Variants in TRIM49B observed in about 807,000 individuals in gnomAD.
The protein encoded by TRIM49B is putative tripartite motif-containing protein 49B.
TRIM49B carries 18 observed loss-of-function variants against 31.8 expected under a neutral mutation model. That is an observed-to-expected ratio of 0.57 (90% CI 0.39 to 0.84). The LOEUF is 0.84. Among genes scored for constraint, TRIM49B ranks in the 40% least tolerant of loss-of-function variants. The pLI is 0.00. For missense variants in TRIM49B, 494 were observed against 538.7 expected, an observed-to-expected ratio of 0.92 and a Z score of 0.82; for synonymous variants, 196 against 180.6, an observed-to-expected ratio of 1.09 and a Z score of -0.68.
At chr11:49,031,543 A>G in intron 1 of TRIM49B, 53 bp from the exon 2 acceptor site, 1 of 1,597,436 alleles carries the variant, frequency 6.3e-7, no homozygotes, top group South Asian at 1.1e-5. Context: ...ACATGTTTAG[A>G]AGCTTTTCAT....
chr11:49,031,952 C>T lies in TRIM49B; in HGVS notation c.353C>T (p.Ser118Phe). 3 of 1,612,042 alleles carry T rather than the reference C, an allele frequency of 1.9e-6. No individual in the cohort carries two copies. The highest frequency in any genetic ancestry group is 1.7e-5 in the Admixed American group (1 of 60,020). The change falls in exon 2 of 7, where the codon TCT (serine) becomes TTT (phenylalanine). Residue 118 changes from serine (S) to phenylalanine (F), a missense_variant. By Grantham distance (155) the Ser-to-Phe change is radical. Around this residue, in one of 3 missense-constraint regions of TRIM49B, gnomAD observed 251 missense variants for 232.8 expected, o/e 1.08. Coordinates refer to ENST00000332682, the MANE Select transcript of TRIM49B (RefSeq NM_001206626.2). ...CTGCTCTGTTTGCTGTGCTCCAGCT[C>T]TCAGGAGCACCGGGATCACAGACAC... is the stretch of plus-strand genomic sequence containing the variant. ...RSLLCLLCSS[S>F]QEHRDHRHCP...
At chr11:49,029,408 C>A (rs2134694066) in intron 1 of TRIM49B, among the ~76,000 whole-genome samples, 1 of 152,214 alleles carries the variant, frequency 6.6e-6, no homozygotes. Context: ...AATAGTGAAA[C>A]TAAAACAATG....
At chr11:49,036,695 T>A (rs1854534775) in intron 6 of TRIM49B, among the ~76,000 whole-genome samples, 1 of 152,192 alleles carries the variant, frequency 6.6e-6, no homozygotes, top group Non-Finnish European at 1.5e-5. Context: ...ATGCTCAGAA[T>A]GGTGAATTAT....
rs1854548554 is a variant in TRIM49B at position 49,037,574 on chromosome 11, C to T, written c.956C>T (p.Pro319Leu). ...ATTGGATGTGACCATCAAGATGTAC[C>T]CTATTTCACTGCAACACCTAGAAGT... ...MCIGCDHQDV[P>L]YFTATPRSFL... Residue 319 changes from proline (P) to leucine (L), a missense_variant, in exon 7 of 7, where the codon CCC becomes CTC. Physicochemically the swap from Pro to Leu is moderately conservative, Grantham distance 98 (BLOSUM62 -3). Coordinates refer to ENST00000332682, the MANE Select transcript of TRIM49B (RefSeq NM_001206626.2). The T allele has an allele frequency of 6.2e-7, 1 of 1,613,918 alleles. No homozygotes were observed. Among genetic ancestry groups the T allele is most frequent in the South Asian group, 1.1e-5 (1 of 91,070 alleles).
At chr11:49,036,238 C>G in intron 5 of TRIM49B, 63 bp from the exon 6 acceptor site, 1 of 1,599,370 alleles carries the variant, frequency 6.3e-7, no homozygotes, top group Non-Finnish European at 8.5e-7. Context: ...CTTTTACATA[C>G]AAATAGTGAT....
At chr11:49,034,598 A>G (rs1018202524) in intron 4 of TRIM49B, among the ~76,000 whole-genome samples, 22 of 152,042 alleles carry the variant, frequency 1.4e-4, no homozygotes, top group African/African-American at 5.3e-4. Flanking sequence ...ACTTTGTGGA[A>G]TGGTCAAGGT....
intron 2 of TRIM49B, 74 bp from the exon 3 acceptor site, chr11:49,032,202 A>C: frequency 6.2e-7 from 1 of 1,611,512 alleles, no homozygotes; most frequent in Non-Finnish European, 8.5e-7. Flanking sequence ...CTAGGGGTTT[A>C]TTTGTCTCTC....
intron 2 of TRIM49B, 127 bp downstream of exon 2, chr11:49,032,137 C>T: frequency 1.3e-6 from 2 of 1,584,960 alleles, no homozygotes; most frequent in South Asian, 1.1e-5. Flanking sequence ...GCTTTCTTAG[C>T]TTCCAACCTC....
chr11:49,031,740 A>G lies in TRIM49B; in HGVS notation c.141A>G (p.Pro47=), dbSNP rs1854450955. The G allele has an allele frequency of 1.2e-6, 2 of 1,613,848 alleles. No homozygotes were observed. The highest frequency in any genetic ancestry group is 1.7e-6 in the Non-Finnish European group (2 of 1,179,872). The part of the protein sequence containing the change: ...PCFYLNWKDS[P]FLVQCSECTK... ...TCTACCTCAACTGGAAAGACAGCCC[A>G]TTTCTTGTCCAGTGCTCTGAATGCA... Residue 47 remains proline (P), a synonymous_variant, in exon 2 of 7, where the codon CCA becomes CCG. Transcript: ENST00000332682.
chr11:49,035,586 C>G (rs2134700649), intron 5 of TRIM49B, among the ~76,000 whole-genome samples: 1 of 151,980 alleles, frequency 6.6e-6, no homozygotes, highest in Admixed American at 6.5e-5. Context: ...TCTCTATCTC[C>G]TGACCCCGTG....
chr11:49,031,894 A>G lies in TRIM49B; in HGVS notation c.295A>G (p.Thr99Ala), dbSNP rs137872209. 1,801 of 1,613,116 alleles carry G rather than the reference A, an allele frequency of 1.1e-3. 23 individuals carry two copies. In the African/African-American group the frequency reaches 0.022, roughly 20 times the overall value. The change falls in exon 2 of 7, where the codon ACA becomes GCA. Residue 99 changes from threonine to alanine, a missense_variant. Coordinates refer to ENST00000332682, the MANE Select transcript of TRIM49B (RefSeq NM_001206626.2). ...EEQMCGTHRE[T>A]KKMFCEVDRS... is the part of the protein sequence containing the mutation. ...GCAAATGTGTGGCACTCACAGGGAGACAAAGAAGATGTTCTGTGAAGTGGA... is the reference window on the plus strand; with the variant it reads ...GCAAATGTGTGGCACTCACAGGGAGGCAAAGAAGATGTTCTGTGAAGTGGA...
intron 3 of TRIM49B, among the ~76,000 whole-genome samples, chr11:49,033,055 A>T (rs1854474333): frequency 6.6e-6 from 1 of 152,134 alleles, no homozygotes; most frequent in Non-Finnish European, 1.5e-5. Context: ...TGAGGGAATG[A>T]TAGCTAATAT....
Position 49,036,342 on chromosome 11 carries a change from C to T in TRIM49B, c.803C>T (p.Pro268Leu). ...VLLHMPQPLN[P>L]ELSAGPITGL... ...CTGCACATGCCCCAGCCTCTGAATC[C>T]AGAGCTCAGTGCAGGGCCCATCACT... Residue 268 changes from proline to leucine, a missense_variant, in exon 6 of 7, where the codon CCA (proline) becomes CTA (leucine). This residue lies in a region of TRIM49B where 233 missense variants were observed against 281.4 expected (regional missense o/e 0.83). Coordinates refer to ENST00000332682, the MANE Select transcript of TRIM49B (RefSeq NM_001206626.2). 3 of 1,574,454 alleles carry T rather than the reference C, an allele frequency of 1.9e-6. No individual in the cohort carries two copies. The highest frequency in any genetic ancestry group is 1.2e-5 in the South Asian group (1 of 86,868).
intron 5 of TRIM49B, among the ~76,000 whole-genome samples, chr11:49,035,454 G>C (rs1398802197): frequency 7.1e-6 from 1 of 141,058 alleles, no homozygotes; most frequent in Non-Finnish European, 1.5e-5. Context: ...CCGCCTCCCG[G>C]GTTCACACCA....
chr11:49,031,893 G>A lies in TRIM49B; in HGVS notation c.294G>A (p.Glu98=). 6.2e-7 allele frequency: 1 copy of A among 1,613,138 alleles called. No individual in the cohort carries two copies. The highest frequency in any genetic ancestry group is 8.5e-7 in the Non-Finnish European group (1 of 1,179,866). ...SEEQMCGTHR[E]TKKMFCEVDR... Reference sequence around the variant, plus strand: ...AGCAAATGTGTGGCACTCACAGGGAGACAAAGAAGATGTTCTGTGAAGTGG... The same window carrying A: ...AGCAAATGTGTGGCACTCACAGGGAAACAAAGAAGATGTTCTGTGAAGTGG... The change falls in exon 2 of 7, where the codon GAG becomes GAA. Residue 98 remains glutamate (E), a synonymous_variant. Coordinates refer to ENST00000332682, the MANE Select transcript of TRIM49B (RefSeq NM_001206626.2).
At chr11:49,037,380 T>A in intron 6 of TRIM49B, 98 bp from the exon 7 acceptor site, 2 of 1,460,434 alleles carry the variant, frequency 1.4e-6, no homozygotes, top group African/African-American at 1.4e-5. Context: ...CAAGCAAAAC[T>A]TTTTATGACT....
intron 1 of TRIM49B, among the ~76,000 whole-genome samples, chr11:49,029,509 G>A (rs1236981380): frequency 6.6e-6 from 1 of 152,194 alleles, no homozygotes; most frequent in African/African-American, 2.4e-5. Flanking sequence ...ATGTGATTGT[G>A]ATTGTCATCT....
chr11:49,029,816 T>A (rs56718935), intron 1 of TRIM49B, among the ~76,000 whole-genome samples: 5,148 of 152,250 alleles, frequency 0.034, 117 homozygotes, highest in African/African-American at 0.053. Context: ...GGTGGTCCCA[T>A]AAGATTATAA....
At chr11:49,032,066 G>T (rs993078826) in intron 2 of TRIM49B, 56 bp downstream of exon 2, 38 of 1,610,916 alleles carry the variant, frequency 2.4e-5, no homozygotes, top group Non-Finnish European at 3.1e-5. Flanking sequence ...ATTCCTGTGG[G>T]TCTATTTTCT....
Sources: gnomAD v4.1 joint callset for allele counts (sites outside exome capture counted in the v4.1 genomes callset) on GRCh38, gnomAD v4.1.1 for gene constraint, gnomAD v4.1.1 regional missense constraint, MANE v1.5 for transcripts, NCBI Gene and HGNC (gene_info 2026-07-23, HGNC 2026-07-21) for gene names.